The following CHRDL1 variants were observed in gnomAD, a reference collection of about 807,000 sequenced individuals.
CHRDL1 encodes the protein chordin like 1.
CHRDL1 carries 19 observed loss-of-function variants against 40.9 expected under a neutral mutation model. The observed-to-expected ratio is 0.46, with a 90% CI of 0.32 to 0.68. The LOEUF (loss-of-function observed/expected upper bound fraction) is 0.68, where lower values mean the gene tolerates loss of function less well. Ranked by LOEUF, CHRDL1 falls within the 30% of genes least tolerant of loss-of-function variation. The pLI, the probability that CHRDL1 is intolerant of heterozygous loss-of-function variation, is 0.03. For synonymous variants in CHRDL1, 136 were observed against 123.4 expected (o/e 1.10, Z -0.68); for missense variants, 329 against 352.1 (o/e 0.93, Z 0.53).
intron 4 of CHRDL1, among the ~76,000 whole-genome samples, chrX:110,752,858 T>C (rs1257393918): frequency 3.6e-5 from 4 of 110,472 alleles, no homozygotes; most frequent in East Asian, 5.7e-4. Flanking sequence ...CAGAAGAGAA[T>C]AGAAGAGAGA....
Position 110,709,997 on chromosome X carries a change from T to TA in CHRDL1, c.542-9277dup, listed in dbSNP as rs373495870. 3.1e-3 allele frequency among the ~76,000 whole-genome samples: 327 copies of TA among 105,788 alleles called. 1 individual carries two copies. Among genetic ancestry groups the TA allele is most frequent in the Middle Eastern group, 0.014 (3 of 210 alleles). The allele number at this position is 105,788 out of a possible 115,157, so 91.9% of individuals were successfully genotyped here. Reference sequence around the variant, plus strand: ...AGCCTGGGCAACAGAGACTCTGTCTTAAAAAAAAAAATCCAAGTATCCAAA... The same window carrying TA: ...AGCCTGGGCAACAGAGACTCTGTCTTAAAAAAAAAAAATCCAAGTATCCAAA... On this transcript the variant is annotated intron_variant, in intron 6 of 11. Coordinates refer to ENST00000372042, the MANE Select transcript of CHRDL1 (RefSeq NM_001143981.2).
chrX:110,728,447 T>C (rs888662495), intron 4 of CHRDL1, among the ~76,000 whole-genome samples: 7 of 111,277 alleles, frequency 6.3e-5, no homozygotes, highest in East Asian at 2.8e-4. Context: ...ATTCCAACCA[T>C]AGAAAATCAA....
At chrX:110,695,671 C>T (rs1603144454) in intron 7 of CHRDL1, among the ~76,000 whole-genome samples, 1 of 105,223 alleles carries the variant, frequency 9.5e-6, no homozygotes, top group Non-Finnish European at 1.9e-5. Context: ...TAGTGAGGAA[C>T]CTTGGGAAGA....
chrX:110,782,378 A>T (rs1478737048), intron 2 of CHRDL1, among the ~76,000 whole-genome samples: 2 of 112,255 alleles, frequency 1.8e-5, no homozygotes, highest in Non-Finnish European at 3.8e-5. Flanking sequence ...TCAAACCTAT[A>T]TCTTGTAGCT....
intron 4 of CHRDL1, among the ~76,000 whole-genome samples, chrX:110,744,482 C>T (rs1476590575): frequency 9.0e-6 from 1 of 111,359 alleles, no homozygotes; most frequent in Non-Finnish European, 1.9e-5. Flanking sequence ...TGTTGCTATA[C>T]ATGAGGACAG....
At chrX:110,695,331 A>C (rs1197856020) in intron 7 of CHRDL1, among the ~76,000 whole-genome samples, 1 of 111,838 alleles carries the variant, frequency 8.9e-6, no homozygotes, top group Non-Finnish European at 1.9e-5. Context: ...AGTGTCAGGC[A>C]TCTAGAAGGT....
intron 2 of CHRDL1, among the ~76,000 whole-genome samples, chrX:110,773,250 A>T (rs1391526879): frequency 8.9e-6 from 1 of 112,201 alleles, no homozygotes; most frequent in Non-Finnish European, 1.9e-5. Flanking sequence ...CATTTGCTGC[A>T]GCCTGCAAAT....
intron 2 of CHRDL1, among the ~76,000 whole-genome samples, chrX:110,770,771 T>C (rs779037061): frequency 8.9e-6 from 1 of 112,112 alleles, no homozygotes; most frequent in Non-Finnish European, 1.9e-5. Context: ...TTTAACAACA[T>C]AGAATGATTA....
chrX:110,678,976 A>G (rs1375765082), intron 11 of CHRDL1, among the ~76,000 whole-genome samples: 1 of 111,419 alleles, frequency 9.0e-6, no homozygotes, highest in Non-Finnish European at 1.9e-5. Flanking sequence ...CAGAGGATAC[A>G]CCCTTCCAGA....
At chrX:110,773,707 G>A (rs1227882671) in intron 2 of CHRDL1, among the ~76,000 whole-genome samples, 1 of 91,961 alleles carries the variant, frequency 1.1e-5, no homozygotes, top group African/African-American at 4.2e-5. Context: ...CACCCTGGGC[G>A]ACAGTGAGAC....
In CHRDL1 at chrX:110,755,210, C is replaced by T. The variant is rs1376225619; in HGVS notation, c.301+4451G>A. 2.7e-5 allele frequency among the ~76,000 whole-genome samples: 3 copies of T among 111,226 alleles called. No homozygotes were observed. In the East Asian group the frequency reaches 8.4e-4, roughly 31 times the overall value. ...TTTTCCATTAAGAATGTTCCAGCCT[C>T]CATGTAGCCTCTTTGGGCCCAGTAG... On this transcript the variant is annotated intron_variant, in intron 4 of 11. Coordinates refer to ENST00000372042, the MANE Select transcript of CHRDL1 (RefSeq NM_001143981.2).
chrX:110,688,000 T>C (rs1299585976), intron 9 of CHRDL1, among the ~76,000 whole-genome samples: 3 of 111,594 alleles, frequency 2.7e-5, no homozygotes, highest in South Asian at 7.6e-4. Flanking sequence ...GCAAGTCCTT[T>C]GATTTTTGTA....
chrX:110,726,413 A>T (rs60640593), intron 4 of CHRDL1, among the ~76,000 whole-genome samples: 3,334 of 111,658 alleles, frequency 0.03, 120 homozygotes, highest in African/African-American at 0.1. Context: ...AGGTATCATC[A>T]CTGAACCAGA....
intron 4 of CHRDL1, among the ~76,000 whole-genome samples, chrX:110,759,414 C>T (rs2089518669): frequency 8.9e-6 from 1 of 112,556 alleles, no homozygotes; most frequent in African/African-American, 3.2e-5. Flanking sequence ...CTCCGATTGA[C>T]ACCCACCTTC....
chrX:110,686,572 T>C (rs1172442387), intron 9 of CHRDL1, among the ~76,000 whole-genome samples: 2 of 111,406 alleles, frequency 1.8e-5, no homozygotes, highest in Non-Finnish European at 3.8e-5. Flanking sequence ...ACCACAGACT[T>C]GGAAGTCATA....
chrX:110,781,820 A>G (rs2089949175), intron 2 of CHRDL1, among the ~76,000 whole-genome samples: 1 of 112,355 alleles, frequency 8.9e-6, no homozygotes, highest in African/African-American at 3.2e-5. Flanking sequence ...TTCTTAATAT[A>G]TAACTTTCAG....
At chrX:110,756,740 G>A (rs1454250123) in intron 4 of CHRDL1, among the ~76,000 whole-genome samples, 1 of 111,526 alleles carries the variant, frequency 9.0e-6, no homozygotes, top group Non-Finnish European at 1.9e-5. Context: ...CATGGATAAT[G>A]AGCTTTGAAA....
At chrX:110,731,557 A>T (rs2071161707) in intron 4 of CHRDL1, among the ~76,000 whole-genome samples, 1 of 112,057 alleles carries the variant, frequency 8.9e-6, no homozygotes, top group East Asian at 2.8e-4. Context: ...TTATAGCAGC[A>T]TTATTCATAA....
chrX:110,744,035 G>A (rs1299733252), intron 4 of CHRDL1, among the ~76,000 whole-genome samples: 3 of 112,182 alleles, frequency 2.7e-5, no homozygotes, highest in African/African-American at 9.7e-5. Context: ...TCTAAAGTGG[G>A]GTAGGAAGGA....
Sources: gnomAD v4.1 joint callset for allele counts (sites outside exome capture counted in the v4.1 genomes callset) on GRCh38, gnomAD v4.1.1 for gene constraint, MANE v1.5 for transcripts, NCBI Gene and HGNC (gene_info 2026-07-23, HGNC 2026-07-21) for gene names.